The following TANGO6 variants were observed in gnomAD, a reference collection of about 807,000 sequenced individuals.
TANGO6 encodes transport and Golgi organization protein 6 homolog.
TANGO6 carries 90 observed loss-of-function variants against 114.2 expected under a neutral mutation model. That is an observed-to-expected ratio of 0.79 (90% CI 0.66 to 0.94). The LOEUF (loss-of-function observed/expected upper bound fraction) is 0.94. Among genes scored for constraint, TANGO6 ranks in the 40% least tolerant of loss-of-function variants. TANGO6 has a pLI of 0.00. For synonymous variants in TANGO6, 477 were observed against 509.8 expected, an observed-to-expected ratio of 0.94 and a Z score of 0.87; for missense variants, 1,274 against 1,315.3, an observed-to-expected ratio of 0.97 and a Z score of 0.49.
intron 14 of TANGO6, among the ~76,000 whole-genome samples, chr16:68,947,839 G>T (rs965667559): frequency 6.6e-6 from 1 of 151,970 alleles, no homozygotes; most frequent in Non-Finnish European, 1.5e-5. Flanking sequence ...TGATCCGCCT[G>T]CCCCGGCCTC....
At chr16:68,908,687 A>C (rs79390277) in intron 10 of TANGO6, among the ~76,000 whole-genome samples, 5,549 of 152,308 alleles carry the variant, frequency 0.036, 152 homozygotes, top group South Asian at 0.11. Context: ...CTTAGAAGTT[A>C]GTTCTAAGTA....
chr16:69,046,063 C>CAAAAAAAAA (rs61017260), intron 17 of TANGO6, among the ~76,000 whole-genome samples: 1 of 95,934 alleles, frequency 1.0e-5, no homozygotes, highest in East Asian at 3.1e-4. Flanking sequence ...GACTCCAACT[C>CAAAAAAAAA]AAAAAAAAAA....
intron 15 of TANGO6, among the ~76,000 whole-genome samples, chr16:68,983,378 T>G (rs1183678205): frequency 1.3e-5 from 2 of 152,214 alleles, no homozygotes; most frequent in African/African-American, 4.8e-5. Flanking sequence ...ACACTTATTT[T>G]TTTTTTCTTA....
At chr16:69,033,090 G>A (rs1360476484) in intron 16 of TANGO6, among the ~76,000 whole-genome samples, 2 of 151,348 alleles carry the variant, frequency 1.3e-5, no homozygotes, top group African/African-American at 4.9e-5. Context: ...GGAGGCTGAG[G>A]TAGGAGAATC....
chr16:68,890,040 C>T (rs1250280473), intron 7 of TANGO6, among the ~76,000 whole-genome samples: 1 of 152,170 alleles, frequency 6.6e-6, no homozygotes, highest in African/African-American at 2.4e-5. Flanking sequence ...AGTTCTGGAA[C>T]ACTACTATCA....
intron 11 of TANGO6, among the ~76,000 whole-genome samples, chr16:68,917,875 C>G (rs748668866): frequency 6.6e-6 from 1 of 151,804 alleles, no homozygotes; most frequent in Non-Finnish European, 1.5e-5. Context: ...ACCTCAGTCT[C>G]CTGAGTAGCT....
At chr16:68,921,607 C>CTTTTTTTTTTTTTT (rs1167059062) in intron 12 of TANGO6, among the ~76,000 whole-genome samples, 4 of 57,942 alleles carry the variant, frequency 6.9e-5, no homozygotes, top group Non-Finnish European at 1.0e-4. Context: ...TGAGAGTGTG[C>CTTTTTTTTTTTTTT]TTTTTTTTTT....
intron 17 of TANGO6, among the ~76,000 whole-genome samples, chr16:69,045,714 G>A (rs1959845935): frequency 6.6e-6 from 1 of 151,956 alleles, no homozygotes; most frequent in Admixed American, 6.6e-5. Flanking sequence ...CTGCACTCCA[G>A]CCTGGACAAC....
chr16:68,974,156 G>T lies in TANGO6; in HGVS notation c.2830G>T (p.Val944Phe), dbSNP rs945182115. 1 of 1,613,946 alleles carries T rather than the reference G, an allele frequency of 6.2e-7. No individual in the cohort carries two copies. The highest frequency in any genetic ancestry group is 8.5e-7 in the Non-Finnish European group (1 of 1,179,882). ...AGTCGGGGAAGTCCTTATGCGAATC[G>T]TCAGGGCATTAGGTGAGTTTTCTTG... The part of the protein sequence containing the change: ...MKVGEVLMRI[V>F]RALGDMVSKY... The change falls in exon 15 of 18, where the codon GTC becomes TTC. Residue 944 changes from valine to phenylalanine, a missense_variant. Physicochemically the swap from Val to Phe is conservative, Grantham distance 50. Around this residue, in one of 5 missense-constraint regions of TANGO6, gnomAD observed 238 missense variants for 252.9 expected, o/e 0.94. Transcript: ENST00000261778.
At chr16:69,076,566 G>A (rs945813481) in intron 17 of TANGO6, among the ~76,000 whole-genome samples, 1 of 152,148 alleles carries the variant, frequency 6.6e-6, no homozygotes, top group Non-Finnish European at 1.5e-5. Context: ...GGGTTCCATG[G>A]TCCTCTGTGT....
chr16:69,051,946 CTT>C (rs35401100), intron 17 of TANGO6, among the ~76,000 whole-genome samples: 14 of 135,278 alleles, frequency 1.0e-4, no homozygotes, highest in Non-Finnish European at 1.9e-4. Flanking sequence ...CTTTCTTTTT[CTT>C]TTTTTTTTTT....
At chr16:69,025,576 G>A (rs916176538) in intron 16 of TANGO6, among the ~76,000 whole-genome samples, 1 of 152,246 alleles carries the variant, frequency 6.6e-6, no homozygotes, top group African/African-American at 2.4e-5. Flanking sequence ...GGACCAATCA[G>A]AGGAAAGTGT....
intron 14 of TANGO6, among the ~76,000 whole-genome samples, chr16:68,931,097 A>G (rs1483331286): frequency 6.6e-6 from 1 of 152,150 alleles, no homozygotes; most frequent in Non-Finnish European, 1.5e-5. Context: ...CTCCAAATCT[A>G]GAGAGGATGT....
chr16:69,047,222 G>T (rs1043196821), intron 17 of TANGO6, among the ~76,000 whole-genome samples: 1 of 150,738 alleles, frequency 6.6e-6, no homozygotes, highest in Non-Finnish European at 1.5e-5. Flanking sequence ...TGGGCGCGGT[G>T]TCTCACAACT....
intron 16 of TANGO6, among the ~76,000 whole-genome samples, chr16:69,028,272 A>G (rs1221724938): frequency 6.6e-6 from 1 of 152,006 alleles, no homozygotes; most frequent in Admixed American, 6.6e-5. Context: ...TCCAAATATT[A>G]TTATTTTTAA....
At chr16:68,922,949 T>G (rs1051014519) in intron 12 of TANGO6, among the ~76,000 whole-genome samples, 3 of 139,548 alleles carry the variant, frequency 2.1e-5, no homozygotes, top group East Asian at 2.1e-4. Flanking sequence ...GTTTTTTTTT[T>G]TTTTTTTTTT....
intron 1 of TANGO6, among the ~76,000 whole-genome samples, chr16:68,846,271 C>CT (rs967975778): frequency 6.6e-6 from 1 of 152,124 alleles, no homozygotes; most frequent in Non-Finnish European, 1.5e-5. Flanking sequence ...GGTGATCTGC[C>CT]TGCCTTGACC....
chr16:68,881,043 C>T (rs1192796279), intron 7 of TANGO6, among the ~76,000 whole-genome samples: 1 of 152,186 alleles, frequency 6.6e-6, no homozygotes, highest in Non-Finnish European at 1.5e-5. Context: ...CTTGCCTCTG[C>T]CTCCCTAAGA....
At chr16:68,875,327 A>G (rs1423228230) in intron 5 of TANGO6, 37 bp downstream of exon 5, 1 of 1,598,336 alleles carries the variant, frequency 6.3e-7, no homozygotes, top group Non-Finnish European at 8.6e-7. Flanking sequence ...TTTGAGGATT[A>G]TCTGCTTATT....
Sources: allele counts gnomAD v4.1 joint callset (sites outside exome capture counted in the v4.1 genomes callset), GRCh38; gene constraint gnomAD v4.1.1; regional missense constraint gnomAD v4.1.1; transcripts MANE v1.5; gene names NCBI Gene and HGNC (gene_info 2026-07-23, HGNC 2026-07-21).